Variants in KCNQ2 observed in about 807,000 individuals in gnomAD.
KCNQ2 encodes potassium voltage-gated channel subfamily KQT member 2.
A neutral mutation model predicts 84.8 loss-of-function variants in KCNQ2; 14 were observed. The ratio of observed to expected loss-of-function variants is 0.17; its 90% confidence interval spans 0.11 to 0.26. The LOEUF (loss-of-function observed/expected upper bound fraction) is 0.26. Ranked by LOEUF, KCNQ2 falls within the 10% of genes least tolerant of loss-of-function variation. The probability of loss-of-function intolerance (pLI) is 1.00; values close to 1 mark genes in which losing one functional copy is unlikely to be tolerated. For missense variants in KCNQ2, 788 were observed against 1,254.0 expected, an observed-to-expected ratio of 0.63 and a Z score of 5.61; for synonymous variants, 599 against 554.1, an observed-to-expected ratio of 1.08 and a Z score of -1.14.
Position 63,408,617 on chromosome 20 carries a change from A to G in KCNQ2, c.1764-81T>C. 1 of 1,566,788 alleles carries G rather than the reference A, an allele frequency of 6.4e-7. No homozygotes were observed. Among genetic ancestry groups the G allele is most frequent in the Non-Finnish European group, 8.6e-7 (1 of 1,160,022 alleles). The stretch of plus-strand genomic sequence containing the variant: ...GCCCTCTCCTCCTGGACCAGGCCAC[A>G]GTGCCCCTGGGTCTAGGCTGCAGGC... On this transcript the variant is annotated intron_variant, in intron 15 of 16. Coordinates refer to ENST00000359125, the MANE Select transcript of KCNQ2 (RefSeq NM_172107.4). The surrounding 1 kb of genome is among the most constrained non-coding windows in gnomAD (Gnocchi z 5.0).
Position 63,446,860 on chromosome 20 carries a change from C to T in KCNQ2, c.297-23G>A, listed in dbSNP as rs753339057. Reference sequence around the variant, plus strand: ...AACCTGGGGGCAGGGAACGCGCGCTCTCAGACAGGCCGCAGCAGGGCAGCA... The same window carrying T: ...AACCTGGGGGCAGGGAACGCGCGCTTTCAGACAGGCCGCAGCAGGGCAGCA... On this transcript the variant is annotated intron_variant, in intron 1 of 16. Transcript: ENST00000359125. The surrounding 1 kb of genome is among the most constrained non-coding windows in gnomAD (Gnocchi z 5.5). 7 of 1,599,732 alleles carry T rather than the reference C, an allele frequency of 4.4e-6. No individual in the cohort carries two copies. In the East Asian group the frequency reaches 8.9e-5, roughly 20 times the overall value.
At chr20:63,442,987 TACCATCACC>T (rs1772924519) in intron 4 of KCNQ2, among the ~76,000 whole-genome samples, 1 of 18,640 alleles carries the variant, frequency 5.4e-5, no homozygotes, top group Non-Finnish European at 9.8e-5. Context: ...TCACCACCAT[TACCATCACC>T]ATCACCACCA....
chr20:63,442,749 CCATCACCAT>C (rs2081222403), intron 4 of KCNQ2, among the ~76,000 whole-genome samples: 1 of 78,444 alleles, frequency 1.3e-5, no homozygotes, highest in Non-Finnish European at 2.5e-5. Context: ...ACCATCACCA[CCATCACCAT>C]CACCACCATC....
chr20:63,413,165 C>T (rs538095565), intron 15 of KCNQ2: 399 of 480,136 alleles, frequency 8.3e-4, no homozygotes, highest in African/African-American at 1.2e-3. Context: ...TGTGTGCATG[C>T]GTGACTTACA....
rs1453910234 is a variant in KCNQ2 at position 63,414,425 on chromosome 20, C to A, written c.1526-232G>T. On this transcript the variant is annotated intron_variant, in intron 13 of 16. Coordinates refer to ENST00000359125, the MANE Select transcript of KCNQ2 (RefSeq NM_172107.4). The surrounding 1 kb of genome is among the most constrained non-coding windows in gnomAD (Gnocchi z 6.6). Reference sequence around the variant, plus strand: ...ACAGGGAGTGGCCGATATGGGGCGTCAAAGGACATTCTGGCCAATGGATGA... The same window carrying A: ...ACAGGGAGTGGCCGATATGGGGCGTAAAAGGACATTCTGGCCAATGGATGA... Among the ~76,000 whole-genome samples the A allele has an allele frequency of 6.6e-6, 1 of 152,160 alleles. No individual in the cohort carries two copies. The highest frequency in any genetic ancestry group is 1.5e-5 in the Non-Finnish European group (1 of 68,032).
intron 5 of KCNQ2, among the ~76,000 whole-genome samples, chr20:63,440,482 G>A (rs986868716): frequency 3.9e-5 from 6 of 152,184 alleles, no homozygotes; most frequent in African/African-American, 1.4e-4. Context: ...AGAACCGCAC[G>A]CACCACAAGC....
At position 63,408,567 on chromosome 20, in the gene KCNQ2, T is replaced by C. The variant is rs1319140144; in HGVS notation, c.1764-31A>G. 1 of 1,607,528 alleles carries C rather than the reference T, an allele frequency of 6.2e-7. No homozygotes were observed. The highest frequency in any genetic ancestry group is 1.1e-5 in the South Asian group (1 of 90,124). ...GGGAACAGAGACCCCAAAGCATGAG[T>C]TCGGGTGGGTGCAGCAGGGCCCCTG... On this transcript the variant is annotated intron_variant, in intron 15 of 16. Coordinates refer to ENST00000359125, the MANE Select transcript of KCNQ2 (RefSeq NM_172107.4). The surrounding 1 kb of genome is among the most constrained non-coding windows in gnomAD (Gnocchi z 5.0).
chr20:63,435,415 A>T (rs868106954), intron 7 of KCNQ2, among the ~76,000 whole-genome samples: 3 of 148,858 alleles, frequency 2.0e-5, no homozygotes, highest in African/African-American at 4.9e-5. Flanking sequence ...AAAGTTGGCC[A>T]TCCTAACGTG....
At chr20:63,415,156 GAAAA>G (rs779513385) in intron 12 of KCNQ2, 30 bp from the exon 13 acceptor site, 2 of 1,575,524 alleles carry the variant, frequency 1.3e-6, no homozygotes, top group Non-Finnish European at 1.7e-6. Flanking sequence ...CAGACAGACA[GAAAA>G]ACAGGGAGAG....
At chr20:63,440,590 A>G (rs6062938) in intron 5 of KCNQ2, among the ~76,000 whole-genome samples, 131,912 of 152,240 alleles carry the variant, frequency 0.87, 57,283 homozygotes, top group East Asian at 0.98. Context: ...ATAAACAGAC[A>G]GAGGGATCGA....
intron 4 of KCNQ2, 23 bp from the exon 5 acceptor site, chr20:63,442,554 A>G: frequency 6.2e-7 from 1 of 1,612,096 alleles, no homozygotes; most frequent in Non-Finnish European, 8.5e-7. Flanking sequence ...CGGCACCACC[A>G]TCATGACCAC....
At chr20:63,434,969 CACGTGACAACTCCACGTTT>C (rs2080948229) in intron 7 of KCNQ2, among the ~76,000 whole-genome samples, 2 of 152,338 alleles carry the variant, frequency 1.3e-5, no homozygotes, top group South Asian at 4.1e-4. Context: ...ATGGCCGGGT[CACGTGACAACTCCACGTTT>C]ACGAACTTTC....
chr20:63,415,455 G>A (rs1245083953), intron 12 of KCNQ2, among the ~76,000 whole-genome samples: 14 of 122,582 alleles, frequency 1.1e-4, no homozygotes, highest in African/African-American at 2.8e-4. Flanking sequence ...GAGGCCACGG[G>A]GACCGAGCAC....
chr20:63,463,335 G>A (rs1330852916), intron 1 of KCNQ2, among the ~76,000 whole-genome samples: 1 of 152,136 alleles, frequency 6.6e-6, no homozygotes, highest in Non-Finnish European at 1.5e-5. Flanking sequence ...GGGACTCCAG[G>A]CTGCCTCCTG....
intron 1 of KCNQ2, among the ~76,000 whole-genome samples, chr20:63,469,289 C>T (rs1475726764): frequency 2.0e-5 from 3 of 152,262 alleles, no homozygotes; most frequent in Non-Finnish European, 4.4e-5. Flanking sequence ...CAGCACCCCG[C>T]CCCGACCAGG....
chr20:63,447,023 C>T (rs2081450353), intron 1 of KCNQ2, among the ~76,000 whole-genome samples, 186 bp from the exon 2 acceptor site: 2 of 152,098 alleles, frequency 1.3e-5, no homozygotes, highest in South Asian at 4.2e-4. Context: ...GAGGGCACCC[C>T]CATAGCCACC....
intron 1 of KCNQ2, chr20:63,459,913 C>T (rs934754734): frequency 6.6e-6 from 1 of 152,134 alleles, no homozygotes. Context: ...ACACTCACCA[C>T]ACCTTGTCCC....
intron 5 of KCNQ2, 171 bp from the exon 6 acceptor site, chr20:63,439,879 T>C (rs2081108684): frequency 1.5e-6 from 1 of 670,138 alleles, no homozygotes; most frequent in Admixed American, 2.1e-5. Flanking sequence ...CCGCCCCTCA[T>C]CCCCTGAGCC....
chr20:63,408,348 C>A lies in KCNQ2; in HGVS notation c.1887+65G>T, dbSNP rs935970084. Reference sequence around the variant, plus strand: ...CACCCAGCCCCTGAAGCCCACACTGCCACAGGTTGACGGCAGGCACCACAG... The same window carrying A: ...CACCCAGCCCCTGAAGCCCACACTGACACAGGTTGACGGCAGGCACCACAG... On this transcript the variant is annotated intron_variant, in intron 16 of 16. Coordinates refer to ENST00000359125, the MANE Select transcript of KCNQ2 (RefSeq NM_172107.4). This position sits in a 1 kb window ranked among gnomAD's most constrained non-coding sequence, Gnocchi z 5.0. 3.8e-6 allele frequency: 6 copies of A among 1,591,940 alleles called. No individual in the cohort carries two copies. Among genetic ancestry groups the A allele is most frequent in the Non-Finnish European group, 5.1e-6 (6 of 1,174,378 alleles).
Sources: allele counts gnomAD v4.1 joint callset (sites outside exome capture counted in the v4.1 genomes callset), GRCh38; gene constraint gnomAD v4.1.1; non-coding constraint Gnocchi (gnomAD v3.1); transcripts MANE v1.5; gene names NCBI Gene and HGNC (gene_info 2026-07-23, HGNC 2026-07-21).